The following MAEA variants were observed in gnomAD, a reference collection of about 807,000 sequenced individuals.
MAEA encodes the protein E3 ubiquitin-protein transferase MAEA.
Under a neutral mutation model 46.2 loss-of-function variants are expected in MAEA, and 22 were observed. That is an observed-to-expected ratio of 0.48 (90% CI 0.34 to 0.68). The LOEUF is 0.68. Among genes scored for constraint, MAEA ranks in the 30% least tolerant of loss-of-function variants. The pLI, the probability that MAEA is intolerant of heterozygous loss-of-function variation, is 0.01. For missense variants in MAEA, 393 were observed against 558.1 expected, an observed-to-expected ratio of 0.70 and a Z score of 2.98; for synonymous variants, 246 against 222.6, an observed-to-expected ratio of 1.11 and a Z score of -0.94.
chr4:1,326,428 C>G (rs1247010338), intron 4 of MAEA, among the ~76,000 whole-genome samples: 1 of 152,214 alleles, frequency 6.6e-6, no homozygotes, highest in Non-Finnish European at 1.5e-5. Context: ...ACGGACATGT[C>G]ACTTCCGTAG....
chr4:1,337,089 C>A, intron 7 of MAEA, 95 bp downstream of exon 7: 1 of 1,453,044 alleles, frequency 6.9e-7, no homozygotes. Flanking sequence ...CACTCTTGTC[C>A]TCCCACCACA....
chr4:1,303,326 G>A (rs528382335), intron 1 of MAEA, among the ~76,000 whole-genome samples: 6 of 148,610 alleles, frequency 4.0e-5, no homozygotes, highest in South Asian at 2.1e-4. Context: ...CACTTAAACC[G>A]GGGAGGCAGA....
rs779656728 is a variant in MAEA, at chr4:1,321,357, G to A, written c.457-1024G>A. ...AACGCTATGAAGGGGTTTCAGAAACGAGAAACCGTTAAAGAAAAGATGCAA... is the reference window on the plus strand; with the variant it reads ...AACGCTATGAAGGGGTTTCAGAAACAAGAAACCGTTAAAGAAAAGATGCAA... On this transcript the variant is annotated intron_variant, in intron 3 of 8. Transcript: ENST00000303400. Among the ~76,000 whole-genome samples the A allele has an allele frequency of 2.6e-4, 39 of 151,480 alleles. 1 individual carries two copies. Among genetic ancestry groups the A allele is most frequent in the Middle Eastern group, 6.9e-3 (2 of 290 alleles).
At chr4:1,328,136 G>C (rs975233246) in intron 5 of MAEA, among the ~76,000 whole-genome samples, 2 of 152,248 alleles carry the variant, frequency 1.3e-5, no homozygotes, top group Admixed American at 6.5e-5. Flanking sequence ...ACAGTCATCG[G>C]GGAATGTTGA....
intron 1 of MAEA, among the ~76,000 whole-genome samples, chr4:1,297,335 G>T (rs1734835767): frequency 6.6e-6 from 1 of 152,234 alleles, no homozygotes; most frequent in Non-Finnish European, 1.5e-5. Flanking sequence ...GTGCCGCCCT[G>T]CGTGGCCAGC....
At chr4:1,317,725 G>C (rs1310581131) in intron 3 of MAEA, among the ~76,000 whole-genome samples, 1 of 152,234 alleles carries the variant, frequency 6.6e-6, no homozygotes, top group Admixed American at 6.5e-5. Context: ...GCGTGAATGT[G>C]ATGTGTCACA....
intron 3 of MAEA, among the ~76,000 whole-genome samples, chr4:1,316,796 G>A (rs951333824): frequency 6.6e-6 from 1 of 152,024 alleles, no homozygotes; most frequent in African/African-American, 2.4e-5. Flanking sequence ...CCAAGGCCTC[G>A]GGTGCCCATG....
intron 2 of MAEA, among the ~76,000 whole-genome samples, chr4:1,314,180 A>G (rs1409811848): frequency 3.3e-5 from 5 of 151,724 alleles, no homozygotes; most frequent in Non-Finnish European, 7.4e-5. Context: ...ATACAAAAAA[A>G]TTAGCCGGGC....
chr4:1,313,058 C>T (rs565677876), intron 2 of MAEA, among the ~76,000 whole-genome samples: 119 of 152,284 alleles, frequency 7.8e-4, no homozygotes, highest in Admixed American at 1.5e-3. Context: ...TGGGACCCCA[C>T]GGTACTACAG....
intron 1 of MAEA, chr4:1,310,059 GGTCTAATGGCGA>G (rs1736296196): frequency 3.6e-6 from 4 of 1,101,200 alleles, no homozygotes; most frequent in Non-Finnish European, 4.4e-6. Flanking sequence ...TTTGTCTAAT[GGTCTAATGGCGA>G]AGACTTTCTG....
intron 6 of MAEA, among the ~76,000 whole-genome samples, chr4:1,334,300 G>A (rs1031878641): frequency 1.1e-4 from 16 of 151,830 alleles, no homozygotes; most frequent in South Asian, 2.1e-4. Flanking sequence ...GGTGTTTCCC[G>A]GCAGCCCCCA....
chr4:1,322,943 C>CTTTTTT (rs60692981), intron 4 of MAEA, among the ~76,000 whole-genome samples: 4 of 75,244 alleles, frequency 5.3e-5, no homozygotes, highest in East Asian at 4.4e-4. Flanking sequence ...TGAATACCCA[C>CTTTTTT]TTTTTTTTTT....
chr4:1,326,301 C>T (rs375958567), intron 4 of MAEA, among the ~76,000 whole-genome samples: 3 of 152,352 alleles, frequency 2.0e-5, no homozygotes, highest in East Asian at 3.9e-4. Flanking sequence ...CATGTGAACC[C>T]AGAGTGACAC....
rs763948651 is a variant in MAEA at position 1,338,539 on chromosome 4, C to T, written c.1017C>T (p.Val339=). The change falls in exon 8 of 9, where the codon GTC becomes GTT. Residue 339 remains valine (V), a synonymous_variant. Coordinates refer to ENST00000303400, the MANE Select transcript of MAEA (RefSeq NM_001017405.3). ...PMAHCANSRL[V]CKISGDVMNE... ...CCCACTGTGCCAACTCCCGCCTGGT[C>T]TGCAAGATTTCTGGCGACGTGATGA... 1 of 1,613,398 alleles carries T rather than the reference C, an allele frequency of 6.2e-7. No homozygotes were observed. Among genetic ancestry groups the T allele is most frequent in the South Asian group, 1.1e-5 (1 of 91,084 alleles).
chr4:1,326,148 C>T (rs1577214497), intron 4 of MAEA, among the ~76,000 whole-genome samples: 1 of 152,212 alleles, frequency 6.6e-6, no homozygotes, highest in African/African-American at 2.4e-5. Context: ...GCGGGGTGGG[C>T]TGGAGCACAG....
Position 1,335,601 on chromosome 4 carries a change from G to A in MAEA, c.766-1260G>A, listed in dbSNP as rs1238525636. On this transcript the variant is annotated intron_variant, in intron 6 of 8. Coordinates refer to ENST00000303400, the MANE Select transcript of MAEA (RefSeq NM_001017405.3). Reference sequence around the variant, plus strand: ...AGAGTTAAGTCAGCACTGGCCCCATGGCGTGTTGAAACCACAGAGTTAAGT... The same window carrying A: ...AGAGTTAAGTCAGCACTGGCCCCATAGCGTGTTGAAACCACAGAGTTAAGT... 377 of 934,866 alleles carry A rather than the reference G, an allele frequency of 4.0e-4. 1 individual carries two copies. Among genetic ancestry groups the A allele is most frequent in the Admixed American group, 7.9e-4 (11 of 13,898 alleles). The allele number at this position is 934,866 out of a possible 1,614,324, so 57.9% of individuals were successfully genotyped here. A position where few individuals can be genotyped will look rare whatever the true frequency, so the allele number is the denominator to read the frequency against.
At chr4:1,297,046 G>A (rs532550007) in intron 1 of MAEA, among the ~76,000 whole-genome samples, 6 of 152,198 alleles carry the variant, frequency 3.9e-5, no homozygotes, top group East Asian at 3.9e-4. Context: ...GTCACCTCCC[G>A]GAGCTCTCTT....
At position 1,339,308 on chromosome 4, in the gene MAEA, T is replaced by C. The variant is rs1190908387; in HGVS notation, c.*139T>C. 2 of 635,430 alleles carry C rather than the reference T, an allele frequency of 3.1e-6. No homozygotes were observed. Among genetic ancestry groups the C allele is most frequent in the African/African-American group, 1.8e-5 (1 of 54,504 alleles). The allele number at this position is 635,430 out of a possible 1,614,324, so 39.4% of individuals were successfully genotyped here. ...AAGATCCGTGAGCAACGATAAATAC[T>C]CTTAGGAAGAGAGAAAATAAGGTTT... On this transcript the variant is annotated 3_prime_UTR_variant, in exon 9 of 9. Transcript: ENST00000303400.
intron 3 of MAEA, 145 bp from the exon 4 acceptor site, chr4:1,322,236 G>A (rs1352889301): frequency 1.7e-5 from 19 of 1,140,100 alleles, no homozygotes; most frequent in African/African-American, 1.1e-4. Context: ...AGTAGTCCAC[G>A]AGTGCAGACC....
Sources: gnomAD v4.1 joint callset for allele counts (sites outside exome capture counted in the v4.1 genomes callset) on GRCh38, gnomAD v4.1.1 for gene constraint, MANE v1.5 for transcripts, NCBI Gene and HGNC (gene_info 2026-07-23, HGNC 2026-07-21) for gene names.